Variants in NANOG observed in about 807,000 individuals in gnomAD.
The protein encoded by NANOG is homeobox protein NANOG.
In NANOG, 2 loss-of-function variants were observed where a neutral mutation model predicts 17.7. The observed-to-expected ratio is 0.11, with a 90% CI of 0.05 to 0.36. The LOEUF is 0.36. NANOG is among the 10% of genes least tolerant of loss of function. NANOG has a pLI of 1.00. For missense variants in NANOG, 174 were observed against 362.1 expected (o/e 0.48, Z 4.22); for synonymous variants, 81 against 124.7 (o/e 0.65, Z 2.33).
Position 7,795,453 on chromosome 12 carries a change from C to A in NANOG, c.*358C>A, listed in dbSNP as rs1458135953. The A allele has an allele frequency of 5.8e-5, 17 of 293,954 alleles. No individual in the cohort carries two copies. The highest frequency in any genetic ancestry group is 3.9e-4 in the African/African-American group (17 of 44,116). 18.2% of individuals were successfully genotyped at this position (293,954 alleles called of 1,614,324 possible). ...TCTCCTGCCTCAGCCTCCCGAGCAG[C>A]TGGGACTACAGGCGCCCGCCACCTC... On this transcript the variant is annotated 3_prime_UTR_variant, in exon 4 of 4. Transcript: ENST00000229307.
rs1299298128 is a variant in NANOG, at chr12:7,798,877, G to GA, written c.*3782_*3783insA. On this transcript the variant is annotated 3_prime_UTR_variant, in exon 4 of 4. Transcript: ENST00000229307. ...TGGTAAATATTGCATGCCTCCTGGG[G>GA]CCCCCATGGGCTTTGACTCAAGGGG... 7.2e-6 allele frequency: 1 copy of GA among 139,454 alleles called. No individual in the cohort carries two copies. Among genetic ancestry groups the GA allele is most frequent in the African/African-American group, 2.7e-5 (1 of 36,522 alleles). The allele number at this position is 139,454 out of a possible 1,614,324, so 8.6% of individuals were successfully genotyped here.
At position 7,796,479 on chromosome 12, in the gene NANOG, A is replaced by C. The variant is rs1862933078; in HGVS notation, c.*1384A>C. 1.3e-5 allele frequency: 2 copies of C among 152,220 alleles called. No individual in the cohort carries two copies. Among genetic ancestry groups the C allele is most frequent in the African/African-American group, 4.8e-5 (2 of 41,454 alleles). The allele number at this position is 152,220 out of a possible 1,614,324, so 9.4% of individuals were successfully genotyped here. A position where few individuals can be genotyped will look rare whatever the true frequency, so the allele number is the denominator to read the frequency against. On this transcript the variant is annotated 3_prime_UTR_variant, in exon 4 of 4. Coordinates refer to ENST00000229307, the MANE Select transcript of NANOG (RefSeq NM_024865.4). ...ATGCTAACATTTAAAGTTTCATCAGAGGCCTATATGTAAGTAAATTCTAAG... is the reference window on the plus strand; with the variant it reads ...ATGCTAACATTTAAAGTTTCATCAGCGGCCTATATGTAAGTAAATTCTAAG...
Position 7,798,417 on chromosome 12 carries a change from GCT to G in NANOG, c.*3327_*3328del, listed in dbSNP as rs1446566147. On this transcript the variant is annotated 3_prime_UTR_variant, in exon 4 of 4. Coordinates refer to ENST00000229307, the MANE Select transcript of NANOG (RefSeq NM_024865.4). Reference sequence around the variant, plus strand: ...GATTAGGCAAAAAGGATAGTACAAGGCTCTCTGTTTAACATTTCTTCCTTTCT... The same window carrying G: ...GATTAGGCAAAAAGGATAGTACAAGGCTCTGTTTAACATTTCTTCCTTTCT... 1.3e-5 allele frequency: 2 copies of G among 152,046 alleles called. No individual in the cohort carries two copies. Among genetic ancestry groups the G allele is most frequent in the African/African-American group, 2.4e-5 (1 of 41,378 alleles). The allele number at this position is 152,046 out of a possible 1,614,324, so 9.4% of individuals were successfully genotyped here.
Position 7,789,714 on chromosome 12 carries a change from A to G in NANOG, c.100A>G (p.Asn34Asp), listed in dbSNP as rs1193387231. 1.2e-6 allele frequency: 2 copies of G among 1,614,222 alleles called. No individual in the cohort carries two copies. The highest frequency in any genetic ancestry group is 3.3e-5 in the Admixed American group (2 of 60,010). Residue 34 changes from asparagine to aspartate, a missense_variant, in exon 1 of 4, where the codon AAC becomes GAC. Physicochemically the swap from Asn to Asp is conservative, Grantham distance 23. Transcript: ENST00000229307. ...GCCTGTGATTTGTGGGCCTGAAGAA[A>G]ACTATCCATCCTTGCAAATGTCTTC... Reference protein sequence around the residue: ...PMPVICGPEENYPSLQMSSAE... With the variant: ...PMPVICGPEEDYPSLQMSSAE...
Position 7,792,880 on chromosome 12 carries a change from AT to A in NANOG, c.152-63del, listed in dbSNP as rs1455084894. The A allele has an allele frequency of 2.7e-6, 4 of 1,464,054 alleles. No individual in the cohort carries two copies. The African/African-American group carries it at 4.3e-5, about 16-fold the overall frequency. The allele number at this position is 1,464,054 out of a possible 1,614,324, so 90.7% of individuals were successfully genotyped here. ...GAATTATCAAAGTACTTTGAAAACA[AT>A]TTTTTTAAAGGATATTTTAATATTT... On this transcript the variant is annotated intron_variant, in intron 1 of 3. Coordinates refer to ENST00000229307, the MANE Select transcript of NANOG (RefSeq NM_024865.4).
intron 1 of NANOG, among the ~76,000 whole-genome samples, chr12:7,790,440 TA>T (rs1248510669): frequency 1.3e-5 from 2 of 152,180 alleles, no homozygotes; most frequent in African/African-American, 4.8e-5. Flanking sequence ...AGAATGTAGC[TA>T]GAAGTCCAGT....
rs1565478595 is a variant in NANOG, at chr12:7,796,399, G to A, written c.*1304G>A. The A allele has an allele frequency of 2.9e-5, 2 of 67,974 alleles. No homozygotes were observed. Among genetic ancestry groups the A allele is most frequent in the African/African-American group, 6.7e-5 (2 of 29,788 alleles). 4.2% of individuals were successfully genotyped at this position (67,974 alleles called of 1,614,324 possible). A position where few individuals can be genotyped will look rare whatever the true frequency, so the allele number is the denominator to read the frequency against. On this transcript the variant is annotated 3_prime_UTR_variant, in exon 4 of 4. Transcript: ENST00000229307. ...AGAAAAAAGGGCACTTACGTGCATT[G>A]TACATGTGCATCTACAAATGTAATG...
At position 7,796,735 on chromosome 12, in the gene NANOG, C is replaced by T. The variant is rs774416140; in HGVS notation, c.*1640C>T. Reference sequence around the variant, plus strand: ...ATTGTCCAATGTTACTAAGACTATCCAGTCTAATTCCAAGTGTTTTTTTTT... The same window carrying T: ...ATTGTCCAATGTTACTAAGACTATCTAGTCTAATTCCAAGTGTTTTTTTTT... On this transcript the variant is annotated 3_prime_UTR_variant, in exon 4 of 4. Transcript: ENST00000229307. The T allele has an allele frequency of 8.6e-5, 13 of 151,068 alleles. No individual in the cohort carries two copies. The highest frequency in any genetic ancestry group is 1.2e-4 in the Non-Finnish European group (8 of 67,836). 9.4% of individuals were successfully genotyped at this position (151,068 alleles called of 1,614,324 possible). A position where few individuals can be genotyped will look rare whatever the true frequency, so the allele number is the denominator to read the frequency against.
At chr12:7,791,375 C>T (rs1021601419) in intron 1 of NANOG, among the ~76,000 whole-genome samples, 5 of 152,076 alleles carry the variant, frequency 3.3e-5, no homozygotes, top group African/African-American at 9.7e-5. Context: ...CTGGGCACCG[C>T]GCCTGGCCAC....
In NANOG at chr12:7,799,053, T is replaced by G. The variant is rs1239132587; in HGVS notation, c.*3958T>G. On this transcript the variant is annotated 3_prime_UTR_variant, in exon 4 of 4. Transcript: ENST00000229307. ...AAGTGAAACTTGATTGAAAAGAAGC[T>G]GCTGGTGGTGAGTCTCTCCTTAAGC... The G allele has an allele frequency of 6.6e-6, 1 of 151,900 alleles. No homozygotes were observed. Among genetic ancestry groups the G allele is most frequent in the East Asian group, 1.9e-4 (1 of 5,184 alleles). 9.4% of individuals were successfully genotyped at this position (151,900 alleles called of 1,614,324 possible).
In NANOG at chr12:7,797,419, G is replaced by T. The variant is rs1423226150; in HGVS notation, c.*2324G>T. The T allele has an allele frequency of 6.9e-6, 1 of 144,802 alleles. No homozygotes were observed. The highest frequency in any genetic ancestry group is 1.5e-5 in the Non-Finnish European group (1 of 67,002). The allele number at this position is 144,802 out of a possible 1,614,324, so 9.0% of individuals were successfully genotyped here. On this transcript the variant is annotated 3_prime_UTR_variant, in exon 4 of 4. Transcript: ENST00000229307. ...GTTACTCAGGCTGGAGCACAATGATGCAATCTCTACTCACTGCAACCTGCA... is the reference window on the plus strand; with the variant it reads ...GTTACTCAGGCTGGAGCACAATGATTCAATCTCTACTCACTGCAACCTGCA...
intron 2 of NANOG, 130 bp from the exon 3 acceptor site, chr12:7,794,327 C>A: frequency 1.2e-6 from 1 of 824,382 alleles, no homozygotes; most frequent in Non-Finnish European, 1.9e-6. Flanking sequence ...CCCGCCTTGG[C>A]CTTCCAAAGT....
rs1862963278 is a variant in NANOG, at chr12:7,798,961, CA to C, written c.*3867del. ...CTGGGACAGACAAAAGCTTCCGGCA[CA>C]GGAAGTTAGTTCGACTAAGGATACC... is the stretch of plus-strand genomic sequence containing the variant. On this transcript the variant is annotated 3_prime_UTR_variant, in exon 4 of 4. Coordinates refer to ENST00000229307, the MANE Select transcript of NANOG (RefSeq NM_024865.4). 6.7e-6 allele frequency: 1 copy of C among 148,806 alleles called. No individual in the cohort carries two copies. The highest frequency in any genetic ancestry group is 2.2e-4 in the South Asian group (1 of 4,530). 9.2% of individuals were successfully genotyped at this position (148,806 alleles called of 1,614,324 possible).
rs1170516030 is a variant in NANOG, at chr12:7,795,585, A to T, written c.*490A>T. 4.0e-5 allele frequency: 3 copies of T among 75,884 alleles called. No homozygotes were observed. The highest frequency in any genetic ancestry group is 2.3e-4 in the East Asian group (1 of 4,256). The allele number at this position is 75,884 out of a possible 1,614,324, so 4.7% of individuals were successfully genotyped here. A position where few individuals can be genotyped will look rare whatever the true frequency, so the allele number is the denominator to read the frequency against. On this transcript the variant is annotated 3_prime_UTR_variant, in exon 4 of 4. Coordinates refer to ENST00000229307, the MANE Select transcript of NANOG (RefSeq NM_024865.4). Reference sequence around the variant, plus strand: ...ATCCACCCGCCTCGGCCTCCCTAACAGCTGGGATTTACAGGCGTGAGCCAC... The same window carrying T: ...ATCCACCCGCCTCGGCCTCCCTAACTGCTGGGATTTACAGGCGTGAGCCAC...
At chr12:7,794,643 T>C (rs773326452) in intron 3 of NANOG, 36 bp from the exon 4 acceptor site, 69 of 1,611,024 alleles carry the variant, frequency 4.3e-5, no homozygotes, top group Non-Finnish European at 5.9e-5. Flanking sequence ...CTGGTTGTCC[T>C]TGTACCCTTT....
At chr12:7,792,689 C>T (rs1279343058) in intron 1 of NANOG, among the ~76,000 whole-genome samples, 4 of 151,974 alleles carry the variant, frequency 2.6e-5, no homozygotes, top group East Asian at 1.9e-4. Flanking sequence ...GGGGTAGCGC[C>T]GCTCAGCAAT....
intron 1 of NANOG, 88 bp from the exon 2 acceptor site, chr12:7,792,862 C>G (rs1255514399): frequency 2.2e-6 from 3 of 1,360,862 alleles, no homozygotes; most frequent in African/African-American, 1.5e-5. Context: ...TGGGAATTAT[C>G]AAAGTACTTT....
intron 1 of NANOG, among the ~76,000 whole-genome samples, chr12:7,790,320 T>C (rs1438876468): frequency 6.6e-6 from 1 of 152,206 alleles, no homozygotes. Context: ...ACTGGGCAGC[T>C]CTGAGTTTGG....
chr12:7,793,489 C>G (rs1359929377), intron 2 of NANOG, among the ~76,000 whole-genome samples: 1 of 152,204 alleles, frequency 6.6e-6, no homozygotes, highest in African/African-American at 2.4e-5. Context: ...AAAGAAGTAT[C>G]TAACTCCACT....
Sources: allele counts gnomAD v4.1 joint callset (sites outside exome capture counted in the v4.1 genomes callset), GRCh38; gene constraint gnomAD v4.1.1; transcripts MANE v1.5; gene names NCBI Gene and HGNC (gene_info 2026-07-23, HGNC 2026-07-21).